PEX1: variants seen among roughly 807,000 people sequenced by gnomAD.
The protein encoded by PEX1 is peroxisomal ATPase PEX1.
A neutral mutation model predicts 152.5 loss-of-function variants in PEX1; 97 were observed. That is an observed-to-expected ratio of 0.64 (90% confidence interval 0.54 to 0.75). PEX1 has a LOEUF of 0.75. Ranked by LOEUF, PEX1 falls within the 30% of genes least tolerant of loss-of-function variation. The pLI, the probability that PEX1 is intolerant of heterozygous loss-of-function variation, is 0.00. For missense variants in PEX1, 1,357 were observed against 1,516.3 expected, an observed-to-expected ratio of 0.89 and a Z score of 1.74; for synonymous variants, 485 against 531.6, an observed-to-expected ratio of 0.91 and a Z score of 1.21.
At chr7:92,505,422 AAAAAAG>A (rs1446622035) in intron 11 of PEX1, among the ~76,000 whole-genome samples, 6 of 151,430 alleles carry the variant, frequency 4.0e-5, no homozygotes, top group Admixed American at 2.6e-4. Context: ...CAAAAAAAAA[AAAAAAG>A]AAAAAAGAAA....
At chr7:92,522,928 C>A (rs542562473) in intron 1 of PEX1, among the ~76,000 whole-genome samples, 51 of 152,228 alleles carry the variant, frequency 3.4e-4, no homozygotes, top group African/African-American at 1.2e-3. Context: ...TTCTTCTGTA[C>A]CCTTCCAGAA....
intron 15 of PEX1, among the ~76,000 whole-genome samples, chr7:92,500,665 T>C (rs1486120821): frequency 2.0e-5 from 3 of 152,034 alleles, no homozygotes. Context: ...TTCCCAGGAG[T>C]TGCCATGCAG....
chr7:92,504,668 G>A, intron 12 of PEX1, 64 bp downstream of exon 12: 4 of 1,474,722 alleles, frequency 2.7e-6, no homozygotes. Flanking sequence ...TAGATTTATT[G>A]TTAAGACTAA....
Position 92,491,312 on chromosome 7 carries a change from G to A in PEX1, c.3398C>T (p.Ser1133Phe), listed in dbSNP as rs185115432. The change falls in exon 21 of 24, where the codon TCT (serine) becomes TTT (phenylalanine). Residue 1133 changes from serine (S) to phenylalanine (F), a missense_variant. Coordinates refer to ENST00000248633, the MANE Select transcript of PEX1 (RefSeq NM_000466.3). ...TCCATTTCCAAGTTCTGATTCATAAGAGCTTCCAAAGTAGAGCCGGTACAT... is the reference window on the plus strand; with the variant it reads ...TCCATTTCCAAGTTCTGATTCATAAAAGCTTCCAAAGTAGAGCCGGTACAT... ...FNMYRLYFGSSYESELGNGTS... is the reference protein window; with the variant it reads ...FNMYRLYFGSFYESELGNGTS... 1.4e-5 allele frequency: 23 copies of A among 1,613,732 alleles called. No homozygotes were observed. The Admixed American group carries it at 3.8e-4, about 27-fold the overall frequency.
intron 22 of PEX1, 95 bp downstream of exon 22, chr7:92,489,619 T>C: frequency 8.4e-7 from 1 of 1,187,494 alleles, no homozygotes; most frequent in Non-Finnish European, 1.2e-6. Context: ...TGTTTATAAA[T>C]ATAGCTCGTT....
At chr7:92,518,879 T>C (rs186538097) in intron 3 of PEX1, 116 bp downstream of exon 3, 87 of 814,316 alleles carry the variant, frequency 1.1e-4, no homozygotes, top group Admixed American at 1.4e-4. Flanking sequence ...CCCAATTCAT[T>C]CTTATAATTC....
Position 92,511,022 on chromosome 7 carries a change from T to C in PEX1, c.1509A>G (p.Ile503Met), listed in dbSNP as rs749696554. 4.5e-6 allele frequency: 7 copies of C among 1,561,824 alleles called. No individual in the cohort carries two copies. Among genetic ancestry groups the C allele is most frequent in the Middle Eastern group, 1.7e-4 (1 of 5,810 alleles). ...CTTTTTCTTTTTCCCAAGAATGAACTATACTCAGAGAAAATTCCTTCAGTC... is the reference window on the plus strand; with the variant it reads ...CTTTTTCTTTTTCCCAAGAATGAACCATACTCAGAGAAAATTCCTTCAGTC... ...KDGLKEFSLS[I>M]VHSWEKEKDK... The change falls in exon 8 of 24, where the codon ATA (isoleucine) becomes ATG (methionine). Residue 503 changes from isoleucine to methionine, a missense_variant. Transcript: ENST00000248633.
At position 92,517,285 on chromosome 7, in the gene PEX1, C is replaced by T. The variant is rs539382251; in HGVS notation, c.1230G>A (p.Gly410=). The change falls in exon 5 of 24, where the codon GGG becomes GGA. Residue 410 remains glycine (G), a synonymous_variant. Transcript: ENST00000248633. The part of the protein sequence containing the change: ...YTKNVEVLHL[G]KVWIPDDLRK... ...TAAAATTTATACTAACCCAGACTTT[C>T]CCAAGATGGAGAACTTCTACATTTT... is the stretch of plus-strand genomic sequence containing the variant. 63 of 1,613,446 alleles carry T rather than the reference C, an allele frequency of 3.9e-5. No individual in the cohort carries two copies. In the South Asian group the frequency reaches 6.7e-4, roughly 17 times the overall value.
intron 13 of PEX1, among the ~76,000 whole-genome samples, chr7:92,502,555 T>C (rs987822602): frequency 2.0e-5 from 3 of 152,182 alleles, no homozygotes; most frequent in Non-Finnish European, 4.4e-5. Context: ...ATAATAGATA[T>C]AATACCTTTG....
intron 21 of PEX1, among the ~76,000 whole-genome samples, chr7:92,491,055 C>T (rs956373812): frequency 2.0e-5 from 3 of 152,164 alleles, no homozygotes; most frequent in African/African-American, 4.8e-5. Context: ...ATCACAACCA[C>T]GCGCTACTTT....
rs1791920469 is a variant in PEX1 at position 92,501,437 on chromosome 7, TAAAGCC to T, written c.2583+64_2583+69del. 4.5e-6 allele frequency: 6 copies of T among 1,331,644 alleles called. No individual in the cohort carries two copies. The East Asian group carries it at 1.4e-4, about 31-fold the overall frequency. The allele number at this position is 1,331,644 out of a possible 1,614,324, so 82.5% of individuals were successfully genotyped here. ...CACGGAGATTGGGCAAGCTGACACA[TAAAGCC>T]AAAGCCAATAATACAGTGGTTCTTC... On this transcript the variant is annotated intron_variant, in intron 15 of 23. Transcript: ENST00000248633.
At chr7:92,527,875 T>C (rs954587021) in intron 1 of PEX1, among the ~76,000 whole-genome samples, 2 of 152,262 alleles carry the variant, frequency 1.3e-5, no homozygotes, top group Non-Finnish European at 2.9e-5. Flanking sequence ...ACGCGGTGCT[T>C]AGTCCCCGGG....
Position 92,522,143 on chromosome 7 carries a change from T to G in PEX1, c.232A>C (p.Arg78=), listed in dbSNP as rs1379453345. ...AGTCCAAGTTTTTGACCAACTTGTC[T>G]GTTAATTTCAGCCACATTTTCACCT... is the stretch of plus-strand genomic sequence containing the variant. ...DQGENVAEIN[R]QVGQKLGLSN... The change falls in exon 2 of 24, where the codon AGA becomes CGA. Residue 78 remains arginine, a synonymous_variant. Transcript: ENST00000248633. The G allele has an allele frequency of 2.5e-6, 4 of 1,614,196 alleles. No individual in the cohort carries two copies. The highest frequency in any genetic ancestry group is 3.4e-6 in the Non-Finnish European group (4 of 1,180,008).
Position 92,502,017 on chromosome 7 carries a change from CTTG to C in PEX1, c.2286_2288del (p.Asn762del). The C allele has an allele frequency of 6.2e-7, 1 of 1,613,168 alleles. No homozygotes were observed. The highest frequency in any genetic ancestry group is 8.5e-7 in the Non-Finnish European group (1 of 1,179,146). ...CATGCTGCAGGTCAAGATCGGTGAA[CTTG>C]TTTATATCACAGTCCAATTTATTTT... On this transcript the variant is annotated inframe_deletion, in exon 14 of 24. Transcript: ENST00000248633.
chr7:92,488,129 G>GTAGT (rs939142765), intron 23 of PEX1, among the ~76,000 whole-genome samples: 15 of 152,158 alleles, frequency 9.9e-5, no homozygotes, highest in African/African-American at 3.4e-4. Context: ...AAACAATAAA[G>GTAGT]TAGTTAACAT....
chr7:92,528,518 G>A lies in PEX1; in HGVS notation c.-83C>T. On this transcript the variant is annotated 5_prime_UTR_variant, in exon 1 of 24. Coordinates refer to ENST00000248633, the MANE Select transcript of PEX1 (RefSeq NM_000466.3). ...CGGCAGGCCGAGGACGTCGGAGCCG[G>A]AGGAGATCGATCGGCCCCGCCCCCT... is the stretch of plus-strand genomic sequence containing the variant. The A allele has an allele frequency of 1.4e-6, 2 of 1,465,158 alleles. No homozygotes were observed. The highest frequency in any genetic ancestry group is 9.0e-7 in the Non-Finnish European group (1 of 1,108,402). The allele number at this position is 1,465,158 out of a possible 1,614,324, so 90.8% of individuals were successfully genotyped here.
intron 13 of PEX1, 134 bp from the exon 14 acceptor site, chr7:92,502,213 A>G: frequency 1.5e-6 from 1 of 660,216 alleles, no homozygotes; most frequent in Non-Finnish European, 2.7e-6. Context: ...GGGATGGAGC[A>G]GGGGAGGAAT....
At chr7:92,491,120 A>T in intron 21 of PEX1, 152 bp downstream of exon 21, 1 of 621,712 alleles carries the variant, frequency 1.6e-6, no homozygotes, top group Non-Finnish European at 2.9e-6. Context: ...GCAAATTACC[A>T]ATTAGTGTAA....
chr7:92,511,834 T>G lies in PEX1; in HGVS notation c.1360-131A>C, dbSNP rs563369390. 7.5e-6 allele frequency: 6 copies of G among 798,942 alleles called. No individual in the cohort carries two copies. The African/African-American group carries it at 8.6e-5, about 11-fold the overall frequency. The allele number at this position is 798,942 out of a possible 1,614,324, so 49.5% of individuals were successfully genotyped here. ...CAAATCCAATGAAGGATGTTCATGT[T>G]CTATAGGCACAGGTCTGGGATTTGA... On this transcript the variant is annotated intron_variant, in intron 6 of 23. Coordinates refer to ENST00000248633, the MANE Select transcript of PEX1 (RefSeq NM_000466.3).
Sources: gnomAD v4.1 joint callset for allele counts (sites outside exome capture counted in the v4.1 genomes callset) on GRCh38, gnomAD v4.1.1 for gene constraint, MANE v1.5 for transcripts, NCBI Gene and HGNC (gene_info 2026-07-23, HGNC 2026-07-21) for gene names.